Variants in FER1L6 observed in about 807,000 individuals in gnomAD.
The protein encoded by FER1L6 is fer-1 like family member 6.
A neutral mutation model predicts 219.2 loss-of-function variants in FER1L6; 177 were observed. The observed-to-expected ratio is 0.81, with a 90% CI of 0.71 to 0.91. The LOEUF (loss-of-function observed/expected upper bound fraction) is 0.91. Ranked by LOEUF, FER1L6 falls within the 40% of genes least tolerant of loss-of-function variation. The pLI is 0.00. For synonymous variants in FER1L6, 768 were observed against 824.3 expected (o/e 0.93, Z 1.17); for missense variants, 2,153 against 2,259.9 (o/e 0.95, Z 0.96).
At position 123,955,295 on chromosome 8, in the gene FER1L6, G is replaced by A. The variant is rs560575088; in HGVS notation, c.-7-697G>A. 1.3e-4 allele frequency among the ~76,000 whole-genome samples: 20 copies of A among 152,316 alleles called. No homozygotes were observed. The East Asian group carries it at 3.9e-3, about 29-fold the overall frequency. ...GGGTTGCAGTGGGTGGGGAGAGAAGGAGGCTTGGAAATGGCTTCCTGCTTA... is the reference window on the plus strand; with the variant it reads ...GGGTTGCAGTGGGTGGGGAGAGAAGAAGGCTTGGAAATGGCTTCCTGCTTA... On this transcript the variant is annotated intron_variant, in intron 1 of 40. Coordinates refer to ENST00000522917, the MANE Select transcript of FER1L6 (RefSeq NM_001039112.2).
intron 1 of FER1L6, among the ~76,000 whole-genome samples, chr8:123,865,566 G>T (rs983167297): frequency 2.0e-5 from 3 of 151,396 alleles, no homozygotes; most frequent in Non-Finnish European, 4.4e-5. Context: ...AATGGCGGGC[G>T]CCCCTCCCCC....
chr8:123,974,680 A>AAAAAAAAAAAAAAAAAAT lies in FER1L6; in HGVS notation c.527-468_527-467insAAAAAAAAAAAAAAATAA, dbSNP rs1362934333. Reference sequence around the variant, plus strand: ...GTCTCAAAAAAAAAAAAAAAAAAAAAAAGAAATGTGAAGCCAGTATTGCCA... The same window carrying AAAAAAAAAAAAAAAAAAT: ...GTCTCAAAAAAAAAAAAAAAAAAAAAAAAAAAAAAAAAAAAAATAAGAAATGTGAAGCCAGTATTGCCA... On this transcript the variant is annotated intron_variant, in intron 7 of 40. Coordinates refer to ENST00000522917, the MANE Select transcript of FER1L6 (RefSeq NM_001039112.2). Among the ~76,000 whole-genome samples, 65 of 148,580 alleles carry AAAAAAAAAAAAAAAAAAT rather than the reference A, an allele frequency of 4.4e-4. 1 individual carries two copies. Among genetic ancestry groups the AAAAAAAAAAAAAAAAAAT allele is most frequent in the Non-Finnish European group, 8.2e-4 (55 of 66,890 alleles).
At chr8:123,948,406 A>G (rs1044943539) in intron 1 of FER1L6, among the ~76,000 whole-genome samples, 4 of 152,230 alleles carry the variant, frequency 2.6e-5, no homozygotes, top group African/African-American at 9.6e-5. Flanking sequence ...TTGCAAAGGA[A>G]ATGTAGTAAA....
intron 1 of FER1L6, among the ~76,000 whole-genome samples, chr8:123,911,251 G>A (rs1813042781): frequency 6.6e-6 from 1 of 152,176 alleles, no homozygotes; most frequent in South Asian, 2.1e-4. Flanking sequence ...TACTTGTGAA[G>A]AGTTGATATT....
At chr8:123,937,867 C>A (rs549474529) in intron 1 of FER1L6, among the ~76,000 whole-genome samples, 5 of 152,040 alleles carry the variant, frequency 3.3e-5, no homozygotes, top group East Asian at 3.9e-4. Flanking sequence ...AAGAAAAAAA[C>A]CCCAAGAGAT....
chr8:123,862,656 C>A lies in FER1L6; in HGVS notation c.-8+10471C>A, dbSNP rs1184819323. Among the ~76,000 whole-genome samples, 3 of 144,424 alleles carry A rather than the reference C, an allele frequency of 2.1e-5. No homozygotes were observed. The South Asian group carries it at 6.6e-4, about 32-fold the overall frequency. 94.7% of individuals were successfully genotyped at this position (144,424 alleles called of 152,430 possible). On this transcript the variant is annotated intron_variant, in intron 1 of 40. Transcript: ENST00000522917. ...CTATTGATTATTGCCACAATTTCAG[C>A]TCCTGTTATTGGTCTATTCAGAGAT... is the stretch of plus-strand genomic sequence containing the variant.
intron 1 of FER1L6, among the ~76,000 whole-genome samples, chr8:123,879,541 G>A (rs1156812000): frequency 6.6e-6 from 1 of 152,034 alleles, no homozygotes; most frequent in African/African-American, 2.4e-5. Flanking sequence ...TAGCCAGGAT[G>A]GTCTCCGTCT....
At chr8:124,092,015 T>C (rs1041325275) in intron 34 of FER1L6, among the ~76,000 whole-genome samples, 6 of 150,582 alleles carry the variant, frequency 4.0e-5, no homozygotes, top group African/African-American at 1.5e-4. Context: ...GTAGAAAATG[T>C]GGAAAAGTAA....
In FER1L6 at chr8:123,903,671, A is replaced by G. The variant is rs574657069; in HGVS notation, c.-8+51486A>G. Among the ~76,000 whole-genome samples, 15 of 152,278 alleles carry G rather than the reference A, an allele frequency of 9.9e-5. No homozygotes were observed. In the South Asian group the frequency reaches 3.1e-3, roughly 32 times the overall value. ...CATCTAATTGCCAGTGTAAAGAATC[A>G]GCACAATGTCAGGCATATGAAGTCT... On this transcript the variant is annotated intron_variant, in intron 1 of 40. Coordinates refer to ENST00000522917, the MANE Select transcript of FER1L6 (RefSeq NM_001039112.2).
chr8:123,982,112 C>G (rs1816350704), intron 11 of FER1L6, among the ~76,000 whole-genome samples: 1 of 152,054 alleles, frequency 6.6e-6, no homozygotes, highest in Non-Finnish European at 1.5e-5. Context: ...AACTTATTAT[C>G]TATATGGGAT....
At chr8:124,060,909 G>A (rs1820537414) in intron 24 of FER1L6, 200 bp downstream of exon 24, 1 of 514,098 alleles carries the variant, frequency 1.9e-6, no homozygotes, top group Admixed American at 3.7e-5. Context: ...AGCAATCAAA[G>A]CAGGTTGACA....
chr8:124,051,981 G>A (rs1214288460), intron 22 of FER1L6, among the ~76,000 whole-genome samples: 1 of 152,188 alleles, frequency 6.6e-6, no homozygotes, highest in African/African-American at 2.4e-5. Flanking sequence ...GAATGGATTA[G>A]CAGGAATTCA....
At chr8:124,071,053 C>T (rs1821047423) in intron 30 of FER1L6, among the ~76,000 whole-genome samples, 1 of 152,176 alleles carries the variant, frequency 6.6e-6, no homozygotes, top group Admixed American at 6.5e-5. Context: ...TTGGAAATAG[C>T]ACAGGCATTA....
chr8:124,035,022 C>T (rs539292937), intron 18 of FER1L6, among the ~76,000 whole-genome samples: 6 of 152,292 alleles, frequency 3.9e-5, no homozygotes, highest in South Asian at 2.1e-4. Flanking sequence ...AAATGACCCA[C>T]GGCTTGGAAG....
At chr8:124,043,237 T>C (rs1819581421) in intron 20 of FER1L6, among the ~76,000 whole-genome samples, 1 of 152,178 alleles carries the variant, frequency 6.6e-6, no homozygotes, top group African/African-American at 2.4e-5. Flanking sequence ...TGGACAATGC[T>C]CATAACTCCG....
At chr8:124,054,894 A>G (rs1020791144) in intron 22 of FER1L6, among the ~76,000 whole-genome samples, 1 of 152,244 alleles carries the variant, frequency 6.6e-6, no homozygotes, top group Non-Finnish European at 1.5e-5. Flanking sequence ...TGCAACGCGA[A>G]GATGCCAGAT....
At chr8:124,101,473 A>C in intron 38 of FER1L6, 135 bp downstream of exon 38, 1 of 746,890 alleles carries the variant, frequency 1.3e-6, no homozygotes, top group Non-Finnish European at 2.1e-6. Context: ...GAAACATCCC[A>C]AATAGCCATT....
intron 3 of FER1L6, among the ~76,000 whole-genome samples, chr8:123,964,449 A>C (rs2130198936): frequency 6.6e-6 from 1 of 152,272 alleles, no homozygotes; most frequent in African/African-American, 2.4e-5. Context: ...GTTAGAGGGC[A>C]GTGGGAATTA....
chr8:123,926,780 A>G (rs942573733), intron 1 of FER1L6, among the ~76,000 whole-genome samples: 13 of 152,162 alleles, frequency 8.5e-5, no homozygotes, highest in African/African-American at 3.1e-4. Context: ...ATGTGAAGCT[A>G]TTTATTGTCT....
Sources: gnomAD v4.1 joint callset for allele counts (sites outside exome capture counted in the v4.1 genomes callset) on GRCh38, gnomAD v4.1.1 for gene constraint, MANE v1.5 for transcripts, NCBI Gene and HGNC (gene_info 2026-07-23, HGNC 2026-07-21) for gene names.